The following MSI2 variants were observed in gnomAD, a reference collection of about 807,000 sequenced individuals.
MSI2 encodes RNA-binding protein Musashi homolog 2.
MSI2 carries 17 observed loss-of-function variants against 45.6 expected under a neutral mutation model. The observed-to-expected ratio is 0.37, with a 90% CI of 0.26 to 0.56. MSI2 has a LOEUF of 0.56. Ranked by LOEUF, MSI2 falls within the 20% of genes least tolerant of loss-of-function variation. MSI2 has a pLI of 0.77. For synonymous variants in MSI2, 156 were observed against 158.2 expected (o/e 0.99, Z 0.11); for missense variants, 293 against 444.2 (o/e 0.66, Z 3.06).
intron 6 of MSI2, among the ~76,000 whole-genome samples, chr17:57,511,156 G>A (rs2086345490): frequency 2.0e-5 from 3 of 152,186 alleles, no homozygotes; most frequent in Admixed American, 6.5e-5. Context: ...CCAGCATGGT[G>A]CACTGAGTCC....
At chr17:57,333,090 T>G (rs1186771246) in intron 5 of MSI2, among the ~76,000 whole-genome samples, 1 of 152,124 alleles carries the variant, frequency 6.6e-6, no homozygotes, top group African/African-American at 2.4e-5. Context: ...ATCCTGGCTG[T>G]CTCACTTTAG....
chr17:57,689,407 G>C (rs1427113945), downstream of MSI2, among the ~76,000 whole-genome samples: 2 of 152,184 alleles, frequency 1.3e-5, no homozygotes, highest in Non-Finnish European at 2.9e-5. Context: ...CCTGTGGTCA[G>C]GAAGCTGCAG....
At chr17:57,543,179 G>T (rs1567889339) in intron 7 of MSI2, among the ~76,000 whole-genome samples, 2 of 152,160 alleles carry the variant, frequency 1.3e-5, no homozygotes, top group Admixed American at 1.3e-4. Flanking sequence ...TCTGAAGAGG[G>T]CCTTGGAGAC....
At chr17:57,691,154 T>C in the MSI2 span, among the ~76,000 whole-genome samples, 6 of 151,602 alleles carry the variant, frequency 4.0e-5, no homozygotes, top group Non-Finnish European at 8.8e-5. Context: ...TTCTGTTCTG[T>C]ACCACTAATC....
At chr17:57,451,243 C>T (rs997767232) in intron 6 of MSI2, among the ~76,000 whole-genome samples, 1 of 151,934 alleles carries the variant, frequency 6.6e-6, no homozygotes, top group African/African-American at 2.4e-5. Flanking sequence ...TGCCCATTGC[C>T]GGATTTTGAG....
intron 5 of MSI2, among the ~76,000 whole-genome samples, chr17:57,313,178 C>G (rs538364616): frequency 4.5e-4 from 69 of 152,294 alleles, no homozygotes; most frequent in Admixed American, 2.0e-3. Context: ...TACAGACTTT[C>G]TCTGCTTGCC....
chr17:57,385,816 A>G (rs976737103), intron 5 of MSI2, among the ~76,000 whole-genome samples: 6 of 152,190 alleles, frequency 3.9e-5, no homozygotes, highest in African/African-American at 1.4e-4. Context: ...GGAACAAATT[A>G]CCCTCAAATT....
chr17:57,503,898 C>T (rs763159373), intron 6 of MSI2, among the ~76,000 whole-genome samples: 2 of 152,306 alleles, frequency 1.3e-5, no homozygotes, highest in Middle Eastern at 3.4e-3. Flanking sequence ...GCGTGCACCA[C>T]GATGCCCAGC....
At chr17:57,424,408 G>T (rs2084452990) in intron 6 of MSI2, among the ~76,000 whole-genome samples, 2 of 152,204 alleles carry the variant, frequency 1.3e-5, no homozygotes, top group Non-Finnish European at 2.9e-5. Flanking sequence ...TCTCTGCCTT[G>T]GGGCTTAACA....
intron 7 of MSI2, among the ~76,000 whole-genome samples, chr17:57,555,161 A>G (rs886427102): frequency 3.9e-5 from 6 of 152,142 alleles, no homozygotes; most frequent in Non-Finnish European, 7.4e-5. Flanking sequence ...GCCATACCTG[A>G]GGCTTCAGCC....
chr17:57,579,633 G>A (rs566640050), intron 7 of MSI2, among the ~76,000 whole-genome samples: 7 of 152,290 alleles, frequency 4.6e-5, no homozygotes, highest in East Asian at 1.9e-4. Context: ...CTGAGCAGCC[G>A]CCCCTTGGAG....
At chr17:57,309,258 G>A (rs1240251878) in intron 5 of MSI2, among the ~76,000 whole-genome samples, 1 of 152,168 alleles carries the variant, frequency 6.6e-6, no homozygotes, top group Non-Finnish European at 1.5e-5. Context: ...CAAGTTTGGG[G>A]CTAAGGAACT....
At chr17:57,459,534 T>G (rs192316680) in intron 6 of MSI2, among the ~76,000 whole-genome samples, 1 of 152,186 alleles carries the variant, frequency 6.6e-6, no homozygotes, top group Admixed American at 6.5e-5. Context: ...ACTTGTTAGA[T>G]GGGAACCCTG....
chr17:57,317,708 G>A (rs983187127), intron 5 of MSI2, among the ~76,000 whole-genome samples: 1 of 152,068 alleles, frequency 6.6e-6, no homozygotes, highest in Non-Finnish European at 1.5e-5. Context: ...ATAAGGCAGA[G>A]AAAGAAGTCA....
At chr17:57,285,800 C>A in intron 5 of MSI2, 2 of 1,350,978 alleles carry the variant, frequency 1.5e-6, no homozygotes, top group Non-Finnish European at 1.9e-6. Flanking sequence ...GAAATGTTTT[C>A]TTTTCTCCTT....
intron 10 of MSI2, among the ~76,000 whole-genome samples, chr17:57,645,849 C>T (rs73992137): frequency 6.6e-6 from 1 of 152,162 alleles, no homozygotes; most frequent in Non-Finnish European, 1.5e-5. Context: ...CAGTGAGCAA[C>T]CAGGGTTGAG....
At chr17:57,654,013 TTCTAGGTCAGCCATGCTCA>T (rs1321958242) in intron 11 of MSI2, among the ~76,000 whole-genome samples, 1 of 151,690 alleles carries the variant, frequency 6.6e-6, no homozygotes, top group African/African-American at 2.4e-5. Flanking sequence ...TCCCAGCCCA[TTCTAGGTCAGCCATGCTCA>T]TCGCTGCACT....
intron 6 of MSI2, among the ~76,000 whole-genome samples, chr17:57,462,466 T>C (rs2085249479): frequency 6.6e-6 from 1 of 152,202 alleles, no homozygotes; most frequent in Admixed American, 6.5e-5. Flanking sequence ...AGCTTCTAGA[T>C]TCCCCTGCCC....
chr17:57,629,000 T>A (rs1909090024), intron 10 of MSI2: 1 of 152,444 alleles, frequency 6.6e-6, no homozygotes, highest in African/African-American at 2.4e-5. Context: ...TCTGAAGGGG[T>A]CACAGTACGC....
Sources: allele counts gnomAD v4.1 joint callset (sites outside exome capture counted in the v4.1 genomes callset), GRCh38; gene constraint gnomAD v4.1.1; transcripts MANE v1.5; gene names NCBI Gene and HGNC (gene_info 2026-07-23, HGNC 2026-07-21).